Variants in PDE1A observed in about 807,000 individuals in gnomAD.
PDE1A encodes the protein dual specificity calcium/calmodulin-dependent 3',5'-cyclic nucleotide phosphodiesterase 1A.
A neutral mutation model predicts 61.7 loss-of-function variants in PDE1A; 35 were observed. The ratio of observed to expected loss-of-function variants is 0.57; its 90% confidence interval spans 0.43 to 0.75. The LOEUF is 0.75. Among genes scored for constraint, PDE1A ranks in the 30% least tolerant of loss-of-function variants. The pLI is 0.00. For synonymous variants in PDE1A, 232 were observed against 213.2 expected, an observed-to-expected ratio of 1.09 and a Z score of -0.77; for missense variants, 597 against 630.6, an observed-to-expected ratio of 0.95 and a Z score of 0.57.
chr2:182,157,014 A>T (rs1318122092), intron 13 of PDE1A, among the ~76,000 whole-genome samples: 14 of 81,978 alleles, frequency 1.7e-4, no homozygotes, highest in South Asian at 8.2e-4. Flanking sequence ...ATTTTATTTT[A>T]TTTTATTTTT....
intron 2 of PDE1A, among the ~76,000 whole-genome samples, chr2:182,448,258 T>C (rs942546523): frequency 5.9e-5 from 9 of 152,112 alleles, no homozygotes; most frequent in Non-Finnish European, 1.2e-4. Context: ...TTCTTCTTTA[T>C]TTTAAACCAT....
At chr2:182,506,000 C>T (rs1689387993) in intron 2 of PDE1A, among the ~76,000 whole-genome samples, 1 of 152,146 alleles carries the variant, frequency 6.6e-6, no homozygotes, top group Non-Finnish European at 1.5e-5. Flanking sequence ...GTGGGAAGTA[C>T]TGGAAATTTT....
chr2:182,413,035 A>G (rs1449054577), intron 1 of PDE1A, among the ~76,000 whole-genome samples: 1 of 152,230 alleles, frequency 6.6e-6, no homozygotes, highest in Non-Finnish European at 1.5e-5. Flanking sequence ...AAGAGAGAGA[A>G]GCATAAAAGC....
chr2:182,543,767 T>C, the PDE1A span, among the ~76,000 whole-genome samples: 1 of 152,154 alleles, frequency 6.6e-6, no homozygotes, highest in South Asian at 2.1e-4. Flanking sequence ...CGTGAAAAAT[T>C]TTTGTGAATT....
intron 1 of PDE1A, among the ~76,000 whole-genome samples, chr2:182,375,165 C>T (rs1700326839): frequency 6.6e-6 from 1 of 152,152 alleles, no homozygotes; most frequent in Admixed American, 6.5e-5. Context: ...CTGCCCCTGG[C>T]TCTTCCAAAT....
intron 1 of PDE1A, among the ~76,000 whole-genome samples, chr2:182,308,040 G>C (rs1354853707): frequency 6.6e-6 from 1 of 152,084 alleles, no homozygotes; most frequent in Non-Finnish European, 1.5e-5. Flanking sequence ...TTAGCATTAA[G>C]ACACTGACAG....
At chr2:182,599,187 T>C in the PDE1A span, among the ~76,000 whole-genome samples, 15 of 152,220 alleles carry the variant, frequency 9.9e-5, no homozygotes, top group African/African-American at 3.6e-4. Flanking sequence ...AAGTGACTGC[T>C]CCCACTGCCT....
chr2:182,455,531 G>C (rs1415343345), intron 2 of PDE1A, among the ~76,000 whole-genome samples: 1 of 152,108 alleles, frequency 6.6e-6, no homozygotes. Context: ...TGATAGACTG[G>C]ATTAAGAAAA....
At chr2:182,539,041 T>C in the PDE1A span, among the ~76,000 whole-genome samples, 20 of 152,314 alleles carry the variant, frequency 1.3e-4, no homozygotes, top group South Asian at 1.2e-3. Flanking sequence ...CTCTGATTTA[T>C]GTGTCAATAG....
At chr2:182,278,386 C>T (rs772382173) in intron 1 of PDE1A, among the ~76,000 whole-genome samples, 1 of 151,906 alleles carries the variant, frequency 6.6e-6, no homozygotes, top group Non-Finnish European at 1.5e-5. Flanking sequence ...CATTATTTTT[C>T]CAGGTATTTA....
chr2:182,365,543 C>T (rs1699788589), intron 1 of PDE1A, among the ~76,000 whole-genome samples: 1 of 151,938 alleles, frequency 6.6e-6, no homozygotes, highest in Non-Finnish European at 1.5e-5. Flanking sequence ...AACAGCAATG[C>T]CTATCCCCAA....
Position 182,185,955 on chromosome 2 carries a change from T to G in PDE1A, c.1453A>C (p.Lys485Gln), listed in dbSNP as rs775832177. Residue 485 changes from lysine to glutamine, a missense_variant, in exon 13 of 14, where the codon AAG becomes CAG. Transcript: ENST00000351439. Reference sequence around the variant, plus strand: ...TGAATGATGTCCACCAGGTTGTTCTTGAAACTCTTCAGGTCCACTGCTGCA... The same window carrying G: ...TGAATGATGTCCACCAGGTTGTTCTGGAAACTCTTCAGGTCCACTGCTGCA... The G allele has an allele frequency of 8.7e-6, 14 of 1,614,068 alleles. No homozygotes were observed. The East Asian group carries it at 2.9e-4, about 33-fold the overall frequency.
At chr2:182,687,092 G>C in the PDE1A span, among the ~76,000 whole-genome samples, 1 of 152,232 alleles carries the variant, frequency 6.6e-6, no homozygotes, top group Non-Finnish European at 1.5e-5. Flanking sequence ...GCCTCTGTAG[G>C]CTCCATCTCT....
the PDE1A span, among the ~76,000 whole-genome samples, chr2:182,529,331 G>A: frequency 3.9e-5 from 6 of 152,196 alleles, no homozygotes; most frequent in Admixed American, 2.6e-4. Context: ...ACTGGATTTC[G>A]AACTTGATAG....
chr2:182,566,714 C>A, the PDE1A span, among the ~76,000 whole-genome samples: 2 of 152,032 alleles, frequency 1.3e-5, no homozygotes, highest in Non-Finnish European at 2.9e-5. Context: ...GGAAGCTGAT[C>A]CTAGTGAGAG....
intron 13 of PDE1A, among the ~76,000 whole-genome samples, chr2:182,159,740 A>G (rs1691277305): frequency 6.6e-6 from 1 of 152,166 alleles, no homozygotes. Flanking sequence ...GGATCACTTG[A>G]GTCCAGGAGT....
chr2:182,212,515 T>C (rs901634195), intron 7 of PDE1A, among the ~76,000 whole-genome samples: 7 of 152,134 alleles, frequency 4.6e-5, no homozygotes, highest in Non-Finnish European at 8.8e-5. Flanking sequence ...CGGGTTCATC[T>C]CAGTAGGGAG....
chr2:182,490,662 C>G (rs1396312163), intron 2 of PDE1A, among the ~76,000 whole-genome samples: 1 of 152,178 alleles, frequency 6.6e-6, no homozygotes, highest in Non-Finnish European at 1.5e-5. Context: ...CGTGAGCCAC[C>G]ACGCCCAGCC....
the PDE1A span, among the ~76,000 whole-genome samples, chr2:182,682,198 G>A: frequency 6.6e-6 from 1 of 152,316 alleles, no homozygotes; most frequent in Non-Finnish European, 1.5e-5. Context: ...TCTAGGTCCA[G>A]TTGCTTGCCA....
Sources: allele counts gnomAD v4.1 joint callset (sites outside exome capture counted in the v4.1 genomes callset), GRCh38; gene constraint gnomAD v4.1.1; transcripts MANE v1.5; gene names NCBI Gene and HGNC (gene_info 2026-07-23, HGNC 2026-07-21).